The following RNF43 variants were observed in gnomAD, a reference collection of about 807,000 sequenced individuals.
RNF43 encodes ring finger protein 43, also known as E3 ubiquitin-protein ligase RNF43.
Under a neutral mutation model 78.4 loss-of-function variants are expected in RNF43, and 37 were observed. That is an observed-to-expected ratio of 0.47 (90% confidence interval 0.36 to 0.62). The LOEUF is 0.62. RNF43 is among the 20% of genes least tolerant of loss of function. The pLI, the probability that RNF43 is intolerant of heterozygous loss-of-function variation, is 0.00. For synonymous variants in RNF43, 347 were observed against 395.0 expected (o/e 0.88, Z 1.44); for missense variants, 774 against 1,007.9 (o/e 0.77, Z 3.14).
intron 2 of RNF43, among the ~76,000 whole-genome samples, chr17:58,372,990 C>G (rs1973131929): frequency 6.6e-6 from 1 of 152,194 alleles, no homozygotes; most frequent in African/African-American, 2.4e-5. Context: ...GAGCTGAGAC[C>G]ACAGATTTGC....
Position 58,363,343 on chromosome 17 carries a change from G to A in RNF43, c.514C>T (p.Leu172=), listed in dbSNP as rs1246806241. Reference sequence around the variant, plus strand: ...TGGTTCTTGTACACAAACTCCATCAGCTTCTCAGCGTCATTACCCCAGATC... The same window carrying A: ...TGGTTCTTGTACACAAACTCCATCAACTTCTCAGCGTCATTACCCCAGATC... ...VLIWGNDAEK[L]MEFVYKNQKA... The change falls in exon 5 of 10, where the codon CTG becomes TTG. Residue 172 remains leucine (L), a synonymous_variant. Transcript: ENST00000407977. The A allele has an allele frequency of 6.8e-6, 11 of 1,613,632 alleles. No individual in the cohort carries two copies. The highest frequency in any genetic ancestry group is 1.3e-5 in the African/African-American group (1 of 74,730).
chr17:58,404,074 T>G (rs1973857133), intron 2 of RNF43, among the ~76,000 whole-genome samples: 1 of 152,184 alleles, frequency 6.6e-6, no homozygotes, highest in African/African-American at 2.4e-5. Flanking sequence ...GGCTCCTTTT[T>G]TGAGTGTGTT....
At chr17:58,368,525 C>A (rs930135598) in intron 3 of RNF43, among the ~76,000 whole-genome samples, 2 of 151,228 alleles carry the variant, frequency 1.3e-5, no homozygotes, top group African/African-American at 2.4e-5. Flanking sequence ...CCAGCCTGGG[C>A]AACAGAGCGA....
intron 2 of RNF43, among the ~76,000 whole-genome samples, chr17:58,411,954 A>G (rs950885893): frequency 2.0e-5 from 3 of 152,230 alleles, no homozygotes; most frequent in African/African-American, 7.2e-5. Flanking sequence ...GAGAAAGAAT[A>G]TATTCCAATG....
intron 2 of RNF43, among the ~76,000 whole-genome samples, chr17:58,412,674 T>C (rs931011997): frequency 5.9e-5 from 9 of 152,032 alleles, no homozygotes; most frequent in Admixed American, 5.2e-4. Flanking sequence ...TCTCCTTTTG[T>C]CTAAGAAAAA....
chr17:58,402,572 T>C (rs1257981718), intron 2 of RNF43: 2 of 152,230 alleles, frequency 1.3e-5, no homozygotes, highest in South Asian at 2.1e-4. Context: ...CCAAAATCTC[T>C]GAGAACAATG....
chr17:58,363,113 G>T, intron 5 of RNF43, 162 bp downstream of exon 5: 1 of 808,084 alleles, frequency 1.2e-6, no homozygotes, highest in Non-Finnish European at 1.9e-6. Context: ...CCCAAAGACG[G>T]GGGAAAACTT....
chr17:58,370,516 G>GTGAACTTTT, intron 3 of RNF43, among the ~76,000 whole-genome samples: 1 of 152,212 alleles, frequency 6.6e-6, no homozygotes, highest in East Asian at 1.9e-4. Flanking sequence ...GGGGAAAAGT[G>GTGAACTTTT]TGAACTTTTT....
intron 2 of RNF43, among the ~76,000 whole-genome samples, chr17:58,412,489 A>C (rs948964364): frequency 4.6e-5 from 7 of 152,192 alleles, no homozygotes; most frequent in African/African-American, 1.7e-4. Context: ...GGCAAGGAGA[A>C]ACCTAAGCAC....
At chr17:58,373,302 G>T (rs1034061062) in intron 2 of RNF43, among the ~76,000 whole-genome samples, 5 of 152,100 alleles carry the variant, frequency 3.3e-5, no homozygotes, top group African/African-American at 1.2e-4. Flanking sequence ...TTTGAACAGG[G>T]AACCAGCATC....
At chr17:58,390,862 A>C (rs1973538967) in intron 2 of RNF43, among the ~76,000 whole-genome samples, 1 of 152,240 alleles carries the variant, frequency 6.6e-6, no homozygotes, top group African/African-American at 2.4e-5. Flanking sequence ...TTTGTTTTTC[A>C]CAGAATGAAG....
chr17:58,364,485 G>C (rs970714542), intron 3 of RNF43, among the ~76,000 whole-genome samples: 5 of 152,158 alleles, frequency 3.3e-5, no homozygotes, highest in Non-Finnish European at 5.9e-5. Context: ...GTAGGGAGGG[G>C]AGTAAGGAAA....
Position 58,358,111 on chromosome 17 carries a change from G to T in RNF43, c.1665C>A (p.His555Gln). Residue 555 changes from histidine (H) to glutamine (Q), a missense_variant, in exon 9 of 10, where the codon CAC becomes CAA. By Grantham distance (24) the His-to-Gln change is conservative (BLOSUM62 0). Transcript: ENST00000407977. This position sits in a 1 kb window ranked among gnomAD's most constrained non-coding sequence, Gnocchi z 6.2. The part of the protein sequence containing the change: ...SSHVHYHRHR[H>Q]HHYKKRFQWH... ...ACTGGAACCGCTTTTTGTAGTGGTG[G>T]TGCCGGTGGCGGTGGTAGTGGACAT... 1 of 1,612,326 alleles carries T rather than the reference G, an allele frequency of 6.2e-7. No individual in the cohort carries two copies. Among genetic ancestry groups the T allele is most frequent in the African/African-American group, 1.3e-5 (1 of 74,904 alleles).
In RNF43 at chr17:58,357,828, G is replaced by A. The variant is rs371553160; in HGVS notation, c.1948C>T (p.Arg650Ter). ...FNLQKSSLSA[R>*]HPQRKRRGGP... Reference sequence around the variant, plus strand: ...CCCCGCCTTTTCCTCTGTGGGTGTCGGGCAGAGAGGCTGGATTTTTGCAAG... The same window carrying A: ...CCCCGCCTTTTCCTCTGTGGGTGTCAGGCAGAGAGGCTGGATTTTTGCAAG... The change falls in exon 9 of 10, where the codon CGA (arginine) becomes TGA (stop). Residue 650 changes from arginine to a stop codon, truncating the protein, a stop_gained. Coordinates refer to ENST00000407977, the MANE Select transcript of RNF43 (RefSeq NM_017763.6). LOFTEE classifies it high-confidence loss of function. The surrounding 1 kb of genome is among the most constrained non-coding windows in gnomAD (Gnocchi z 4.5). 1.2e-5 allele frequency: 20 copies of A among 1,614,040 alleles called. No homozygotes were observed. Among genetic ancestry groups the A allele is most frequent in the Admixed American group, 8.3e-5 (5 of 60,008 alleles).
At chr17:58,362,756 T>C in intron 5 of RNF43, 108 bp from the exon 6 acceptor site, 1 of 782,398 alleles carries the variant, frequency 1.3e-6, no homozygotes. Context: ...GAGGTTCCCT[T>C]GAGTCCTCCA....
At chr17:58,390,849 C>T (rs1973538521) in intron 2 of RNF43, among the ~76,000 whole-genome samples, 1 of 152,148 alleles carries the variant, frequency 6.6e-6, no homozygotes, top group Non-Finnish European at 1.5e-5. Context: ...AGGACTGAAA[C>T]TTTTTGTTTT....
In RNF43 at chr17:58,414,898, G is replaced by T. The variant is rs1435360863; in HGVS notation, c.252+428C>A. 3.3e-5 allele frequency among the ~76,000 whole-genome samples: 5 copies of T among 152,030 alleles called. No homozygotes were observed. In the East Asian group the frequency reaches 9.6e-4, roughly 29 times the overall value. On this transcript the variant is annotated intron_variant, in intron 2 of 9. Coordinates refer to ENST00000407977, the MANE Select transcript of RNF43 (RefSeq NM_017763.6). ...CACAGTAATCAAATATGCTCCAAGG[G>T]CATTCCAGAATTTCAGGTGCTGCTG...
At chr17:58,377,077 C>G (rs899047781) in intron 2 of RNF43, among the ~76,000 whole-genome samples, 1 of 152,080 alleles carries the variant, frequency 6.6e-6, no homozygotes, top group African/African-American at 2.4e-5. Flanking sequence ...TTTCCCCTCC[C>G]TCCCAAGACA....
intron 9 of RNF43, among the ~76,000 whole-genome samples, chr17:58,356,004 C>A (rs114596083): frequency 6.6e-6 from 1 of 152,190 alleles, no homozygotes; most frequent in East Asian, 1.9e-4. Flanking sequence ...AAGAGAGGCA[C>A]TGAAACTAGT....
Sources: allele counts gnomAD v4.1 joint callset (sites outside exome capture counted in the v4.1 genomes callset), GRCh38; gene constraint gnomAD v4.1.1; non-coding constraint Gnocchi (gnomAD v3.1); transcripts MANE v1.5; gene names NCBI Gene and HGNC (gene_info 2026-07-23, HGNC 2026-07-21).